The following GDPD5 variants were observed in gnomAD, a reference collection of about 807,000 sequenced individuals.
GDPD5 encodes glycerophosphodiester phosphodiesterase 2.
Under a neutral mutation model 75.1 loss-of-function variants are expected in GDPD5, and 48 were observed. The ratio of observed to expected loss-of-function variants is 0.64; its 90% CI spans 0.51 to 0.81. The LOEUF is 0.81. Ranked by LOEUF, GDPD5 falls within the 40% of genes least tolerant of loss-of-function variation. GDPD5 has a pLI of 0.00. For synonymous variants in GDPD5, 336 were observed against 339.0 expected, an observed-to-expected ratio of 0.99 and a Z score of 0.10; for missense variants, 706 against 822.6, an observed-to-expected ratio of 0.86 and a Z score of 1.73.
intron 9 of GDPD5, among the ~76,000 whole-genome samples, chr11:75,445,599 C>T (rs1209404386): frequency 6.6e-6 from 1 of 152,222 alleles, no homozygotes; most frequent in East Asian, 1.9e-4. Flanking sequence ...TCCCCCTGCC[C>T]TGCTCTGTCA....
In GDPD5 at chr11:75,457,055, C is replaced by A. The variant is rs80248914; in HGVS notation, c.316-239G>T. On this transcript the variant is annotated intron_variant, in intron 5 of 16. Transcript: ENST00000336898. ...TAGGCTCTTCCTCTGTGTGATTCCC[C>A]GTCAAGAGGTCACTGGGTGCTGCTG... Among the ~76,000 whole-genome samples, 728 of 152,338 alleles carry A rather than the reference C, an allele frequency of 4.8e-3. 6 individuals carry two copies. The highest frequency in any genetic ancestry group is 0.016 in the African/African-American group (683 of 41,566).
chr11:75,504,195 G>A (rs547149994), intron 1 of GDPD5, among the ~76,000 whole-genome samples: 4 of 152,204 alleles, frequency 2.6e-5, no homozygotes, highest in South Asian at 2.1e-4. Flanking sequence ...GAGGGAAAGC[G>A]GAAAACGAGA....
At chr11:75,484,413 C>T (rs529980508) in intron 2 of GDPD5, among the ~76,000 whole-genome samples, 50 of 152,294 alleles carry the variant, frequency 3.3e-4, no homozygotes, top group Admixed American at 2.9e-3. Context: ...CCTACCCAGG[C>T]GTGGGTCTCC....
chr11:75,504,177 T>A (rs1253628014), intron 1 of GDPD5, among the ~76,000 whole-genome samples: 1 of 152,260 alleles, frequency 6.6e-6, no homozygotes, highest in African/African-American at 2.4e-5. Context: ...AAAAGGGACC[T>A]GTCCCTAGAG....
chr11:75,456,599 G>A, intron 6 of GDPD5, 158 bp downstream of exon 6: 1 of 656,818 alleles, frequency 1.5e-6, no homozygotes, highest in Non-Finnish European at 2.7e-6. Context: ...GTGAGGTTGT[G>A]AGAAAAGTGC....
intron 6 of GDPD5, chr11:75,451,381 G>A (rs1949147694): frequency 1.3e-5 from 2 of 152,288 alleles, no homozygotes; most frequent in Admixed American, 1.3e-4. Flanking sequence ...GTTCCGCGGA[G>A]GCACGAGCAT....
At position 75,437,132 on chromosome 11, in the gene GDPD5, G is replaced by A. The variant is rs188334441; in HGVS notation, c.1557-84C>T. On this transcript the variant is annotated intron_variant, in intron 15 of 16. Transcript: ENST00000336898. ...CCCTGCCTACTTCCAGAGCCTCTCTGGATGTGGCCCAAGAGACCAGCAGGA... is the reference window on the plus strand; with the variant it reads ...CCCTGCCTACTTCCAGAGCCTCTCTAGATGTGGCCCAAGAGACCAGCAGGA... 178 of 986,574 alleles carry A rather than the reference G, an allele frequency of 1.8e-4. No individual in the cohort carries two copies. The African/African-American group carries it at 2.7e-3, about 15-fold the overall frequency. The allele number at this position is 986,574 out of a possible 1,614,324, so 61.1% of individuals were successfully genotyped here.
intron 2 of GDPD5, among the ~76,000 whole-genome samples, chr11:75,482,794 C>T (rs1168816454): frequency 1.3e-5 from 2 of 152,156 alleles, no homozygotes; most frequent in Non-Finnish European, 2.9e-5. Context: ...CCCCAGCCTC[C>T]CATATCCCTG....
chr11:75,461,257 A>C (rs1327633533), intron 4 of GDPD5, among the ~76,000 whole-genome samples: 1 of 152,128 alleles, frequency 6.6e-6, no homozygotes, highest in East Asian at 1.9e-4. Flanking sequence ...CCAGTAGGGA[A>C]CGTTCCCATT....
At chr11:75,459,053 C>T (rs1255140191) in intron 4 of GDPD5, among the ~76,000 whole-genome samples, 1 of 152,138 alleles carries the variant, frequency 6.6e-6, no homozygotes, top group African/African-American at 2.4e-5. Context: ...GGATTATAGG[C>T]GTGAGCCACC....
rs547357781 is a variant in GDPD5 at position 75,475,746 on chromosome 11, C to G, written c.117+1873G>C. Among the ~76,000 whole-genome samples the G allele has an allele frequency of 2.6e-5, 4 of 152,278 alleles. No individual in the cohort carries two copies. In the East Asian group the frequency reaches 7.7e-4, roughly 29 times the overall value. Reference sequence around the variant, plus strand: ...AGCCCTTTCTGCAGAGGCGCTGCCACCCAGAGCTGCTGTAAAGCCCTATAC... The same window carrying G: ...AGCCCTTTCTGCAGAGGCGCTGCCAGCCAGAGCTGCTGTAAAGCCCTATAC... On this transcript the variant is annotated intron_variant, in intron 3 of 16. Transcript: ENST00000336898.
In GDPD5 at chr11:75,443,394, T is replaced by C. The variant is rs1282013793; in HGVS notation, c.798-108A>G. The stretch of plus-strand genomic sequence containing the variant: ...TCCCCACCCAGCACAGGATCCCGGC[T>C]GGCTCTGCCCCTCTCTGGGCCTCAG... On this transcript the variant is annotated intron_variant, in intron 10 of 16. Transcript: ENST00000336898. 10 of 1,335,472 alleles carry C rather than the reference T, an allele frequency of 7.5e-6. No homozygotes were observed. The Admixed American group carries it at 1.0e-4, about 14-fold the overall frequency. 82.7% of individuals were successfully genotyped at this position (1,335,472 alleles called of 1,614,324 possible). A position where few individuals can be genotyped will look rare whatever the true frequency, so the allele number is the denominator to read the frequency against.
chr11:75,484,479 A>T (rs1016050637), intron 2 of GDPD5, among the ~76,000 whole-genome samples: 16 of 152,158 alleles, frequency 1.1e-4, no homozygotes, highest in Non-Finnish European at 2.2e-4. Context: ...TCTTCTGCCA[A>T]ATTAACCTGA....
At chr11:75,499,982 C>T (rs1292977516) in intron 1 of GDPD5, among the ~76,000 whole-genome samples, 1 of 152,178 alleles carries the variant, frequency 6.6e-6, no homozygotes, top group African/African-American at 2.4e-5. Context: ...GTGGCTGCTA[C>T]CACCATACCC....
intron 3 of GDPD5, among the ~76,000 whole-genome samples, chr11:75,465,903 G>A (rs900899580): frequency 3.3e-5 from 5 of 152,258 alleles, no homozygotes; most frequent in African/African-American, 7.2e-5. Flanking sequence ...ACCTGTGACC[G>A]GGGTGATGCA....
At chr11:75,489,026 T>C (rs1326233355) in intron 2 of GDPD5, among the ~76,000 whole-genome samples, 18 of 152,128 alleles carry the variant, frequency 1.2e-4, no homozygotes, top group Admixed American at 1.0e-3. Flanking sequence ...ACCTATTTAG[T>C]TGTCAGTCAA....
chr11:75,443,428 T>C, intron 10 of GDPD5, 142 bp from the exon 11 acceptor site: 1 of 959,682 alleles, frequency 1.0e-6, no homozygotes, highest in East Asian at 2.6e-5. Context: ...AGTCTCCCCA[T>C]CTGCACAGGG....
At chr11:75,448,141 A>C (rs1055849046) in intron 9 of GDPD5, among the ~76,000 whole-genome samples, 2 of 152,162 alleles carry the variant, frequency 1.3e-5, no homozygotes, top group Admixed American at 1.3e-4. Flanking sequence ...GCCCTCAGGA[A>C]GTGCTCACAC....
intron 1 of GDPD5, among the ~76,000 whole-genome samples, chr11:75,502,855 G>A (rs902761612): frequency 1.3e-5 from 2 of 152,144 alleles, no homozygotes; most frequent in South Asian, 2.1e-4. Flanking sequence ...CTGAGACTAC[G>A]CAAAGAGTGA....
Sources: gnomAD v4.1 joint callset for allele counts (sites outside exome capture counted in the v4.1 genomes callset) on GRCh38, gnomAD v4.1.1 for gene constraint, MANE v1.5 for transcripts, NCBI Gene and HGNC (gene_info 2026-07-23, HGNC 2026-07-21) for gene names.